CAMK4: variants seen among roughly 807,000 people sequenced by gnomAD.
CAMK4 encodes calcium/calmodulin-dependent protein kinase type IV.
Under a neutral mutation model 44.9 loss-of-function variants are expected in CAMK4, and 22 were observed. That is an observed-to-expected ratio of 0.49 (90% CI 0.35 to 0.70). CAMK4 has a LOEUF of 0.70. Among genes scored for constraint, CAMK4 ranks in the 30% least tolerant of loss-of-function variants. The pLI, the probability that CAMK4 is intolerant of heterozygous loss-of-function variation, is 0.01. For synonymous variants in CAMK4, 218 were observed against 215.4 expected, an observed-to-expected ratio of 1.01 and a Z score of -0.11; for missense variants, 498 against 586.8, an observed-to-expected ratio of 0.85 and a Z score of 1.56.
chr5:111,255,673 C>T (rs1749708780), intron 1 of CAMK4, among the ~76,000 whole-genome samples: 1 of 152,034 alleles, frequency 6.6e-6, no homozygotes, highest in South Asian at 2.1e-4. Context: ...GTTTGCATAC[C>T]CGAAGCCCCA....
intron 5 of CAMK4, among the ~76,000 whole-genome samples, chr5:111,443,679 A>C (rs949018358): frequency 6.6e-6 from 1 of 152,114 alleles, no homozygotes; most frequent in African/African-American, 2.4e-5. Flanking sequence ...AGCCAGAACA[A>C]CATTTAGTGA....
intron 1 of CAMK4, among the ~76,000 whole-genome samples, chr5:111,235,539 T>G (rs935651367): frequency 2.6e-5 from 4 of 152,154 alleles, no homozygotes; most frequent in African/African-American, 4.8e-5. Flanking sequence ...TGAGGTAAAC[T>G]CGTGAGCTCT....
chr5:111,284,592 G>C (rs1265007114), intron 1 of CAMK4, among the ~76,000 whole-genome samples: 1 of 152,164 alleles, frequency 6.6e-6, no homozygotes, highest in Non-Finnish European at 1.5e-5. Context: ...ACCTCCCTCT[G>C]ATGAGGATGC....
chr5:111,411,825 A>G (rs540905050), intron 5 of CAMK4, among the ~76,000 whole-genome samples: 1 of 152,370 alleles, frequency 6.6e-6, no homozygotes, highest in African/African-American at 2.4e-5. Flanking sequence ...ATCCTAAAAT[A>G]CAAAAACAGG....
At chr5:111,372,415 A>G (rs547849483) in intron 2 of CAMK4, among the ~76,000 whole-genome samples, 48 of 152,218 alleles carry the variant, frequency 3.2e-4, no homozygotes, top group African/African-American at 1.1e-3. Context: ...TGATAATACT[A>G]TTTGAGATTA....
At chr5:111,281,559 C>T (rs573727583) in intron 1 of CAMK4, among the ~76,000 whole-genome samples, 1 of 152,222 alleles carries the variant, frequency 6.6e-6, no homozygotes, top group African/African-American at 2.4e-5. Context: ...GGGGTTAAGC[C>T]TCTTTACTGC....
intron 2 of CAMK4, among the ~76,000 whole-genome samples, chr5:111,351,248 T>C (rs1360822267): frequency 6.6e-6 from 1 of 152,152 alleles, no homozygotes; most frequent in Non-Finnish European, 1.5e-5. Context: ...TAGAGAACTA[T>C]GTTTGAATCT....
rs547209531 is a variant in CAMK4 at position 111,298,136 on chromosome 5, G to A, written c.162-45888G>A. On this transcript the variant is annotated intron_variant, in intron 1 of 10. Coordinates refer to ENST00000282356, the MANE Select transcript of CAMK4 (RefSeq NM_001744.6). ...TGAGAACATTTTATGATTGAGCAAT[G>A]GTATTTATTTCAGTAGCCTTTTATT... Among the ~76,000 whole-genome samples the A allele has an allele frequency of 2.0e-5, 3 of 151,938 alleles. No homozygotes were observed. The East Asian group carries it at 5.8e-4, about 29-fold the overall frequency.
At chr5:111,398,832 C>T (rs1173814698) in intron 5 of CAMK4, among the ~76,000 whole-genome samples, 6 of 152,102 alleles carry the variant, frequency 3.9e-5, no homozygotes, top group East Asian at 1.9e-4. Context: ...TAGAATTCAC[C>T]TCACGTCCAA....
rs760705319 is a variant in CAMK4, at chr5:111,344,015, C to T, written c.162-9C>T. On this transcript the variant is annotated splice_polypyrimidine_tract_variant and intron_variant, in intron 1 of 10. Transcript: ENST00000282356. ...ATAACATTTTCTTTTTGTCTTTTTC[C>T]CCCTCAAGGGGTGCTACATCCATTG... 5.8e-6 allele frequency: 9 copies of T among 1,553,480 alleles called. No homozygotes were observed. The Middle Eastern group carries it at 8.5e-4, about 147-fold the overall frequency.
intron 2 of CAMK4, among the ~76,000 whole-genome samples, chr5:111,373,840 G>A (rs1377901672): frequency 2.6e-5 from 4 of 152,106 alleles, no homozygotes; most frequent in African/African-American, 4.8e-5. Flanking sequence ...CATATCTATC[G>A]ATTGTTTTGA....
At position 111,441,319 on chromosome 5, in the gene CAMK4, A is replaced by G. The variant is rs556376497; in HGVS notation, c.460-5367A>G. Among the ~76,000 whole-genome samples, 36 of 152,260 alleles carry G rather than the reference A, an allele frequency of 2.4e-4. 1 individual carries two copies. In the South Asian group the frequency reaches 7.2e-3, roughly 31 times the overall value. ...TCAACTACTCTGCAGATAAAATTAT[A>G]TTTCTGTCTTATGCTTTTTAAAAAT... On this transcript the variant is annotated intron_variant, in intron 5 of 10. Coordinates refer to ENST00000282356, the MANE Select transcript of CAMK4 (RefSeq NM_001744.6).
chr5:111,253,356 CG>C (rs1749602397), intron 1 of CAMK4, among the ~76,000 whole-genome samples: 1 of 152,168 alleles, frequency 6.6e-6, no homozygotes, highest in Non-Finnish European at 1.5e-5. Flanking sequence ...CAGCAGGTGC[CG>C]GCTGCCCTGC....
intron 1 of CAMK4, among the ~76,000 whole-genome samples, chr5:111,332,946 G>A (rs1386478120): frequency 6.6e-6 from 1 of 151,344 alleles, no homozygotes; most frequent in African/African-American, 2.4e-5. Context: ...TATATTCGTT[G>A]AGTGGCAGCA....
intron 2 of CAMK4, among the ~76,000 whole-genome samples, chr5:111,357,513 A>T (rs1236722447): frequency 6.6e-6 from 1 of 151,274 alleles, no homozygotes; most frequent in East Asian, 2.0e-4. Context: ...TATGGTACAA[A>T]AAGTTGAATG....
At chr5:111,354,696 CAAAAAT>C (rs1750261121) in intron 2 of CAMK4, among the ~76,000 whole-genome samples, 1 of 151,902 alleles carries the variant, frequency 6.6e-6, no homozygotes. Flanking sequence ...GACTCTGTCT[CAAAAAT>C]AAATAAGTAA....
At chr5:111,255,929 T>TG (rs1749723268) in intron 1 of CAMK4, among the ~76,000 whole-genome samples, 1 of 152,222 alleles carries the variant, frequency 6.6e-6, no homozygotes. Context: ...TTAAGGCTAA[T>TG]GATGTAAAGA....
At chr5:111,414,677 T>C (rs1752757131) in intron 5 of CAMK4, among the ~76,000 whole-genome samples, 1 of 152,212 alleles carries the variant, frequency 6.6e-6, no homozygotes, top group Admixed American at 6.5e-5. Flanking sequence ...GTGAAAAATA[T>C]TGTGGTCAAA....
chr5:111,227,996 C>G (rs1206182661), intron 1 of CAMK4, among the ~76,000 whole-genome samples: 1 of 152,166 alleles, frequency 6.6e-6, no homozygotes, highest in Non-Finnish European at 1.5e-5. Flanking sequence ...GGAGCTGCCT[C>G]TGGTCCAGAT....
Sources: allele counts gnomAD v4.1 joint callset (sites outside exome capture counted in the v4.1 genomes callset), GRCh38; gene constraint gnomAD v4.1.1; transcripts MANE v1.5; gene names NCBI Gene and HGNC (gene_info 2026-07-23, HGNC 2026-07-21).